The following TAFA5 variants were observed in gnomAD, a reference collection of about 807,000 sequenced individuals.
The protein encoded by TAFA5 is chemokine-like protein TAFA-5.
TAFA5 carries 6 observed loss-of-function variants against 15.3 expected under a neutral mutation model. The observed-to-expected ratio is 0.39, with a 90% CI of 0.21 to 0.77. TAFA5 has a LOEUF of 0.77. Ranked by LOEUF, TAFA5 falls within the 30% of genes least tolerant of loss-of-function variation. TAFA5 has a pLI of 0.41. For synonymous variants in TAFA5, 103 were observed against 80.7 expected (o/e 1.28, Z -1.48); for missense variants, 161 against 193.1 (o/e 0.83, Z 0.98).
At chr22:48,559,108 G>T (rs1187536220) in intron 1 of TAFA5, among the ~76,000 whole-genome samples, 1 of 152,160 alleles carries the variant, frequency 6.6e-6, no homozygotes, top group East Asian at 1.9e-4. Context: ...GTGCCGAGGG[G>T]CCCAAGGAGG....
intron 1 of TAFA5, among the ~76,000 whole-genome samples, chr22:48,571,121 T>C (rs1002053013): frequency 2.0e-5 from 3 of 152,206 alleles, no homozygotes; most frequent in African/African-American, 7.2e-5. Flanking sequence ...GTTGACTGTT[T>C]AGCTGGGTAT....
Position 48,707,766 on chromosome 22 carries a change from G to C in TAFA5, c.312G>C (p.Glu104Asp), listed in dbSNP as rs760016846. 1 of 1,613,962 alleles carries C rather than the reference G, an allele frequency of 6.2e-7. No individual in the cohort carries two copies. The highest frequency in any genetic ancestry group is 8.5e-7 in the Non-Finnish European group (1 of 1,179,882). ...GGTGTGACATGCTTCCGTGTCTGGAGGGGGAAGGCTGCGACTTGTTAATCA... is the reference window on the plus strand; with the variant it reads ...GGTGTGACATGCTTCCGTGTCTGGACGGGGAAGGCTGCGACTTGTTAATCA... ...KQWCDMLPCL[E>D]GEGCDLLINR... is the part of the protein sequence containing the mutation. The change falls in exon 3 of 4, where the codon GAG becomes GAC. Residue 104 changes from glutamate (E) to aspartate (D), a missense_variant. Physicochemically the swap from Glu to Asp is conservative, Grantham distance 45. Coordinates refer to ENST00000402357, the MANE Select transcript of TAFA5 (RefSeq NM_001082967.3).
Position 48,582,272 on chromosome 22 carries a change from T to G in TAFA5, c.113-64325T>G, listed in dbSNP as rs1038603143. On this transcript the variant is annotated intron_variant, in intron 1 of 3. Transcript: ENST00000402357. The stretch of plus-strand genomic sequence containing the variant: ...CATACACCCCACATACTGCACACAC[T>G]ACACACCATATGCTGCACACCACAT... Among the ~76,000 whole-genome samples the G allele has an allele frequency of 2.0e-5, 3 of 151,204 alleles. 1 individual carries two copies. In the East Asian group the frequency reaches 5.9e-4, roughly 30 times the overall value.
intron 1 of TAFA5, among the ~76,000 whole-genome samples, chr22:48,554,452 A>T (rs1160497374): frequency 2.0e-5 from 3 of 152,312 alleles, no homozygotes; most frequent in Non-Finnish European, 4.4e-5. Flanking sequence ...AATGTTCCCA[A>T]CATATTACAT....
chr22:48,713,154 A>G (rs757929790), intron 3 of TAFA5, among the ~76,000 whole-genome samples: 3 of 152,206 alleles, frequency 2.0e-5, no homozygotes, highest in Non-Finnish European at 4.4e-5. Flanking sequence ...GCATGAAATC[A>G]CAGTTGTGGG....
At chr22:48,645,275 C>T (rs1387997852) in intron 1 of TAFA5, among the ~76,000 whole-genome samples, 2 of 152,062 alleles carry the variant, frequency 1.3e-5, no homozygotes, top group Admixed American at 1.3e-4. Context: ...ACCTGGAGCA[C>T]GGGCACTGTC....
intron 2 of TAFA5, among the ~76,000 whole-genome samples, chr22:48,701,529 G>A (rs558291015): frequency 6.6e-6 from 1 of 151,842 alleles, no homozygotes; most frequent in African/African-American, 2.4e-5. Context: ...GTGTAGATGG[G>A]GTTTTTGAAG....
At chr22:48,540,026 C>A (rs528552813) in intron 1 of TAFA5, among the ~76,000 whole-genome samples, 1 of 152,054 alleles carries the variant, frequency 6.6e-6, no homozygotes, top group Non-Finnish European at 1.5e-5. Flanking sequence ...GGGAGTGGAA[C>A]TGGGGGCCTG....
intron 1 of TAFA5, among the ~76,000 whole-genome samples, chr22:48,599,310 G>A (rs930899591): frequency 2.2e-4 from 34 of 152,156 alleles, no homozygotes; most frequent in Admixed American, 2.2e-3. Context: ...CCTTCAGTCC[G>A]CTCCGTAACA....
chr22:48,637,866 C>T (rs147637952), intron 1 of TAFA5, among the ~76,000 whole-genome samples: 22 of 152,014 alleles, frequency 1.4e-4, no homozygotes, highest in Non-Finnish European at 2.6e-4. Context: ...TTTCTCCTTC[C>T]GGTTTATGAA....
At chr22:48,584,095 TCA>T (rs749337007) in intron 1 of TAFA5, among the ~76,000 whole-genome samples, 10 of 113,596 alleles carry the variant, frequency 8.8e-5, no homozygotes, top group East Asian at 2.8e-4. Context: ...ACAAAATATA[TCA>T]CACACACACA....
chr22:48,713,371 C>T (rs1198759549), intron 3 of TAFA5, among the ~76,000 whole-genome samples: 1 of 152,218 alleles, frequency 6.6e-6, no homozygotes, highest in African/African-American at 2.4e-5. Context: ...CAGGCCATTC[C>T]AGGGCCTCCG....
intron 3 of TAFA5, among the ~76,000 whole-genome samples, chr22:48,743,926 A>G (rs1006666536): frequency 3.3e-5 from 5 of 152,186 alleles, no homozygotes; most frequent in South Asian, 2.1e-4. Context: ...GGCCTGGGGC[A>G]CTGTGTCTGG....
rs150103183 is a variant in TAFA5, at chr22:48,558,269, G to A, written c.112+68565G>A. ...ATTTGCTGGGAGCCGGCAAATCATC[G>A]TCTGCTTTTCCTCGGCACACACTCA... On this transcript the variant is annotated intron_variant, in intron 1 of 3. Transcript: ENST00000402357. 3.1e-3 allele frequency among the ~76,000 whole-genome samples: 472 copies of A among 152,304 alleles called. 3 individuals are homozygous for A. Among genetic ancestry groups the A allele is most frequent in the Middle Eastern group, 0.014 (4 of 294 alleles).
intron 1 of TAFA5, among the ~76,000 whole-genome samples, chr22:48,575,497 G>A (rs1923740640): frequency 6.8e-6 from 1 of 146,180 alleles, no homozygotes; most frequent in African/African-American, 2.4e-5. Flanking sequence ...AGGAGCCGGC[G>A]CCGAGCCGAG....
intron 1 of TAFA5, among the ~76,000 whole-genome samples, chr22:48,622,057 C>T (rs780251648): frequency 5.9e-5 from 9 of 152,108 alleles, no homozygotes; most frequent in African/African-American, 9.7e-5. Flanking sequence ...CAACTTCTCA[C>T]GGCAGTGCAA....
rs1440478240 is a variant in TAFA5 at position 48,667,812 on chromosome 22, G to A, written c.262+21066G>A. Reference sequence around the variant, plus strand: ...GCACTCAGGACCGCGTCTTCACCGGGAGCGTTAATCCCCCAGCACTCAGGG... The same window carrying A: ...GCACTCAGGACCGCGTCTTCACCGGAAGCGTTAATCCCCCAGCACTCAGGG... On this transcript the variant is annotated intron_variant, in intron 2 of 3. Coordinates refer to ENST00000402357, the MANE Select transcript of TAFA5 (RefSeq NM_001082967.3). 2.2e-3 allele frequency among the ~76,000 whole-genome samples: 121 copies of A among 55,200 alleles called. 1 individual carries two copies. In the East Asian group the frequency reaches 0.027, roughly 12 times the overall value. The allele number at this position is 55,200 out of a possible 152,430, so 36.2% of individuals were successfully genotyped here.
chr22:48,572,399 G>A (rs990457498), intron 1 of TAFA5, among the ~76,000 whole-genome samples: 2 of 152,210 alleles, frequency 1.3e-5, no homozygotes, highest in Non-Finnish European at 2.9e-5. Flanking sequence ...GCATGCAGCC[G>A]ATGGGCAAAC....
chr22:48,633,058 C>T (rs1423600730), intron 1 of TAFA5, among the ~76,000 whole-genome samples: 1 of 152,178 alleles, frequency 6.6e-6, no homozygotes, highest in Non-Finnish European at 1.5e-5. Flanking sequence ...AGGGTGGGGC[C>T]AGGCCCCATG....
Sources: gnomAD v4.1 joint callset for allele counts (sites outside exome capture counted in the v4.1 genomes callset) on GRCh38, gnomAD v4.1.1 for gene constraint, MANE v1.5 for transcripts, NCBI Gene and HGNC (gene_info 2026-07-23, HGNC 2026-07-21) for gene names.